OOEP: variants seen among roughly 807,000 people sequenced by gnomAD.
OOEP encodes oocyte-expressed protein homolog.
Under a neutral mutation model 13.7 loss-of-function variants are expected in OOEP, and 16 were observed. The ratio of observed to expected loss-of-function variants is 1.16; its 90% CI spans 0.79 to 1.77. OOEP has a LOEUF of 1.77. Ranked by LOEUF, OOEP falls within the 40% of genes most tolerant of loss-of-function variation. The pLI, the probability that OOEP is intolerant of heterozygous loss-of-function variation, is 0.00. For synonymous variants in OOEP, 89 were observed against 77.1 expected (o/e 1.15, Z -0.81); for missense variants, 195 against 193.1 (o/e 1.01, Z -0.06).
upstream of OOEP, chr6:73,373,243 G>C (rs1185784068): frequency 4.3e-6 from 7 of 1,612,534 alleles, no homozygotes; most frequent in African/African-American, 8.0e-5. Flanking sequence ...GCTTAATCCT[G>C]AAAGTCTTGT....
upstream of OOEP, among the ~76,000 whole-genome samples, chr6:73,371,076 G>C (rs949241016): frequency 1.3e-5 from 2 of 152,044 alleles, no homozygotes; most frequent in African/African-American, 4.8e-5. Context: ...AAAGTGCTGG[G>C]ATTACAGGCG....
chr6:73,387,628 G>A (rs1338532195), intron 2 of OOEP: 1 of 152,108 alleles, frequency 6.6e-6, no homozygotes, highest in Non-Finnish European at 1.5e-5. Context: ...GTCTCACTCT[G>A]TCTCCCAGGC....
intron 2 of OOEP, among the ~76,000 whole-genome samples, chr6:73,390,411 C>G (rs1024995494): frequency 1.3e-5 from 2 of 152,078 alleles, no homozygotes; most frequent in African/African-American, 2.4e-5. Context: ...AAATTCTTTA[C>G]GTAAAATGGC....
chr6:73,387,498 G>C (rs1006622354), intron 2 of OOEP: 1 of 152,064 alleles, frequency 6.6e-6, no homozygotes, highest in African/African-American at 2.4e-5. Flanking sequence ...TGAGTGACAA[G>C]AGCAAAACTC....
chr6:73,395,088 G>A (rs1306175631), exon 1 of OOEP: 2 of 1,614,186 alleles, frequency 1.2e-6, no homozygotes, highest in East Asian at 2.2e-5. Context: ...CGGAGGCCGT[G>A]GCCGCTGGTC....
At chr6:73,371,753 AAAT>A (rs1440023242), upstream of OOEP, among the ~76,000 whole-genome samples, 6 of 110,778 alleles carry the variant, frequency 5.4e-5, no homozygotes, top group Admixed American at 2.0e-4. Context: ...TCTGTCTCAA[AAAT>A]AAAAAAAAAT....
At position 73,369,275 on chromosome 6, in the gene OOEP, G is replaced by C. The variant is rs746053383; in HGVS notation, c.301C>G (p.Arg101Gly). 21 of 1,613,888 alleles carry C rather than the reference G, an allele frequency of 1.3e-5. No individual in the cohort carries two copies. The Middle Eastern group carries it at 9.9e-4, about 76-fold the overall frequency. The change falls in exon 2 of 3, where the codon CGT (arginine) becomes GGT (glycine). Residue 101 changes from arginine (R) to glycine (G), a missense_variant. Transcript: ENST00000370359. ...ATGCTCTTCACCCGATTCTGTACAC[G>C]GGGCCGCCCGAAAACGGTGATTTCG... ...LVEITVFGRPRVQNRVKSMLL... is the reference protein window; with the variant it reads ...LVEITVFGRPGVQNRVKSMLL...
At chr6:73,374,519 G>A (rs1245561696), upstream of OOEP, among the ~76,000 whole-genome samples, 1 of 152,198 alleles carries the variant, frequency 6.6e-6, no homozygotes, top group Non-Finnish European at 1.5e-5. Flanking sequence ...TGAAATTGTA[G>A]TCAAACACAT....
At chr6:73,392,125 T>C (rs931159127) in intron 2 of OOEP, among the ~76,000 whole-genome samples, 4 of 152,250 alleles carry the variant, frequency 2.6e-5, no homozygotes, top group African/African-American at 9.6e-5. Flanking sequence ...CTAAAACCAG[T>C]CAAAGACATT....
At chr6:73,387,962 T>A (rs766578535) in intron 2 of OOEP, among the ~76,000 whole-genome samples, 32 of 152,308 alleles carry the variant, frequency 2.1e-4, no homozygotes, top group Non-Finnish European at 4.6e-4. Flanking sequence ...TTCCGCCTCC[T>A]GTGTTCCAGC....
chr6:73,386,215 G>A (rs1384003206), intron 2 of OOEP, among the ~76,000 whole-genome samples: 1 of 151,586 alleles, frequency 6.6e-6, no homozygotes, highest in African/African-American at 2.4e-5. Flanking sequence ...CTGCCCCAGC[G>A]GCCTGAGTAG....
chr6:73,385,268 AC>A (rs1343132705), intron 2 of OOEP, among the ~76,000 whole-genome samples: 2 of 151,492 alleles, frequency 1.3e-5, no homozygotes, highest in Non-Finnish European at 2.9e-5. Context: ...AATGGCGTGA[AC>A]CCGGGAGAGG....
At chr6:73,376,202 C>T (rs1362492962) in intron 2 of OOEP, among the ~76,000 whole-genome samples, 1 of 152,142 alleles carries the variant, frequency 6.6e-6, no homozygotes, top group Non-Finnish European at 1.5e-5. Context: ...AATGAAACAT[C>T]CATTCTTGCC....
At position 73,378,397 on chromosome 6, in the gene OOEP, G is replaced by A. The variant is rs988100972; in HGVS notation, c.26-9012C>T. 3.9e-5 allele frequency among the ~76,000 whole-genome samples: 6 copies of A among 152,100 alleles called. No individual in the cohort carries two copies. The South Asian group carries it at 8.3e-4, about 21-fold the overall frequency. On this transcript the variant is annotated intron_variant, in intron 2 of 3. Transcript: ENST00000370363. ...TGGGATTATAGGCCTGAGCCACTGG[G>A]CCGAGCTACAAACTCTAAGATCATC...
chr6:73,373,471 T>A (rs1489292615), upstream of OOEP, among the ~76,000 whole-genome samples: 2 of 152,222 alleles, frequency 1.3e-5, no homozygotes, highest in African/African-American at 2.4e-5. Flanking sequence ...TTGCCCAGGC[T>A]GGTCTCGAAC....
chr6:73,380,057 T>G (rs1034528676), intron 2 of OOEP, among the ~76,000 whole-genome samples: 1 of 152,188 alleles, frequency 6.6e-6, no homozygotes, highest in African/African-American at 2.4e-5. Flanking sequence ...GTGCATGATT[T>G]TGTAACATCA....
At chr6:73,369,955 G>T (rs1335439050), upstream of OOEP, 1 of 614,878 alleles carries the variant, frequency 1.6e-6, no homozygotes, top group Non-Finnish European at 2.9e-6. Flanking sequence ...GCGACGCCCC[G>T]GCATAGCGGC....
chr6:73,368,954 A>T, intron 2 of OOEP, 91 bp from the exon 3 acceptor site: 2 of 1,026,370 alleles, frequency 1.9e-6, no homozygotes, highest in Admixed American at 3.8e-5. Flanking sequence ...GGAGGAGAGA[A>T]AGATCTGCGA....
Sources: gnomAD v4.1 joint callset for allele counts (sites outside exome capture counted in the v4.1 genomes callset) on GRCh38, gnomAD v4.1.1 for gene constraint, MANE v1.5 for transcripts, NCBI Gene and HGNC (gene_info 2026-07-23, HGNC 2026-07-21) for gene names.